Variants in DGLUCY observed in about 807,000 individuals in gnomAD.
DGLUCY encodes D-glutamate cyclase.
In DGLUCY, 58 loss-of-function variants were observed where a neutral mutation model predicts 58.5. The observed-to-expected ratio is 0.99, with a 90% confidence interval of 0.80 to 1.23. DGLUCY has a LOEUF of 1.23. Ranked by LOEUF, DGLUCY falls within the 50% of genes most tolerant of loss-of-function variation. The pLI is 0.00. For synonymous variants in DGLUCY, 325 were observed against 314.1 expected (o/e 1.03, Z -0.37); for missense variants, 779 against 784.7 (o/e 0.99, Z 0.09).
At chr14:91,170,704 ACGTG>A (rs1247796555) in intron 5 of DGLUCY, among the ~76,000 whole-genome samples, 3 of 152,032 alleles carry the variant, frequency 2.0e-5, no homozygotes, top group African/African-American at 7.3e-5. Context: ...CGTCTCTGGG[ACGTG>A]CCTGCTGTGC....
intron 1 of DGLUCY, among the ~76,000 whole-genome samples, chr14:91,132,808 C>T: frequency 6.6e-6 from 1 of 151,958 alleles, no homozygotes; most frequent in East Asian, 1.9e-4. Flanking sequence ...AACTGCAACT[C>T]CTCAGTCATC....
At chr14:91,120,053 A>G (rs1446158845) in intron 1 of DGLUCY, among the ~76,000 whole-genome samples, 2 of 152,154 alleles carry the variant, frequency 1.3e-5, no homozygotes, top group African/African-American at 4.8e-5. Flanking sequence ...CTCGGCTTGC[A>G]GACAGCCTAT....
At chr14:91,076,864 G>A (rs905224859) in intron 1 of DGLUCY, among the ~76,000 whole-genome samples, 2 of 152,106 alleles carry the variant, frequency 1.3e-5, no homozygotes, top group Non-Finnish European at 2.9e-5. Context: ...CCTGTGTTCC[G>A]GGTCACAGTG....
At chr14:91,075,182 A>G (rs1371357623) in intron 1 of DGLUCY, among the ~76,000 whole-genome samples, 1 of 151,088 alleles carries the variant, frequency 6.6e-6, no homozygotes, top group Non-Finnish European at 1.5e-5. Context: ...GGTTCATTTT[A>G]CCCTAGTTTC....
At chr14:91,105,806 C>T (rs931356360), upstream of DGLUCY, among the ~76,000 whole-genome samples, 5 of 152,310 alleles carry the variant, frequency 3.3e-5, no homozygotes, top group South Asian at 1.0e-3. Flanking sequence ...ATTGTGTAAA[C>T]GTCATAGACT....
chr14:91,215,620 G>A (rs1379875633), intron 13 of DGLUCY, 64 bp downstream of exon 13: 1 of 1,607,084 alleles, frequency 6.2e-7, no homozygotes, highest in African/African-American at 1.3e-5. Flanking sequence ...CAGCAGGCCT[G>A]AGGTCCCAAG....
intron 1 of DGLUCY, among the ~76,000 whole-genome samples, chr14:91,093,795 AAAAC>A (rs55667197): frequency 0.047 from 7,083 of 150,916 alleles, 508 homozygotes; most frequent in African/African-American, 0.15. Context: ...ACAGAGCAAC[AAAAC>A]AAACAAACAA....
intron 8 of DGLUCY, among the ~76,000 whole-genome samples, chr14:91,186,792 C>A (rs1345228647): frequency 6.6e-6 from 1 of 152,166 alleles, no homozygotes; most frequent in African/African-American, 2.4e-5. Context: ...CTCCTCCCAG[C>A]ACACTATGTG....
chr14:91,209,802 CT>C (rs1885385954), intron 12 of DGLUCY, among the ~76,000 whole-genome samples: 1 of 152,086 alleles, frequency 6.6e-6, no homozygotes. Flanking sequence ...TGTAAAGACA[CT>C]ATATGTGTCT....
intron 1 of DGLUCY, among the ~76,000 whole-genome samples, chr14:91,115,687 GGC>G (rs1358066574): frequency 6.6e-6 from 1 of 152,212 alleles, no homozygotes; most frequent in African/African-American, 2.4e-5. Flanking sequence ...TGGGATTATA[GGC>G]GTGAGCCACC....
chr14:91,120,358 A>C (rs756430624), intron 1 of DGLUCY, among the ~76,000 whole-genome samples: 3 of 152,158 alleles, frequency 2.0e-5, no homozygotes, highest in Non-Finnish European at 4.4e-5. Context: ...CATGAATGGC[A>C]CAGTTAGCTA....
intron 1 of DGLUCY, among the ~76,000 whole-genome samples, chr14:91,102,748 T>C (rs2044512176): frequency 7.7e-6 from 1 of 130,190 alleles, no homozygotes; most frequent in African/African-American, 3.1e-5. Context: ...TGTGTATGTG[T>C]GTGTGTGTGT....
rs2050037169 is a variant in DGLUCY at position 91,193,686 on chromosome 14, A to G, written c.1196-2689A>G. Among the ~76,000 whole-genome samples, 4 of 152,052 alleles carry G rather than the reference A, an allele frequency of 2.6e-5. No individual in the cohort carries two copies. In the South Asian group the frequency reaches 6.2e-4, roughly 24 times the overall value. On this transcript the variant is annotated intron_variant, in intron 9 of 13. Coordinates refer to ENST00000256324, the MANE Select transcript of DGLUCY (RefSeq NM_001102368.3). ...TGAAACCCCGTCTCTACCAAAAAATACAAAAATTAGCTGCGTGTGGTGGCA... is the reference window on the plus strand; with the variant it reads ...TGAAACCCCGTCTCTACCAAAAAATGCAAAAATTAGCTGCGTGTGGTGGCA...
At position 91,224,903 on chromosome 14, in the gene DGLUCY, T is replaced by C. The variant is rs1245114699; in HGVS notation, c.*70T>C. On this transcript the variant is annotated 3_prime_UTR_variant, in exon 14 of 14. Transcript: ENST00000256324. ...CTGCATCCGGGGAGAATGCAGCTGC[T>C]TCTGGCGACAATCCTGCTAGTAAAC... is the stretch of plus-strand genomic sequence containing the variant. 7 of 1,455,278 alleles carry C rather than the reference T, an allele frequency of 4.8e-6. No individual in the cohort carries two copies. Among genetic ancestry groups the C allele is most frequent in the Non-Finnish European group, 5.5e-6 (6 of 1,085,620 alleles). 90.1% of individuals were successfully genotyped at this position (1,455,278 alleles called of 1,614,324 possible). A position where few individuals can be genotyped will look rare whatever the true frequency, so the allele number is the denominator to read the frequency against.
chr14:91,084,111 G>A (rs1053754808), intron 1 of DGLUCY, among the ~76,000 whole-genome samples: 2 of 152,042 alleles, frequency 1.3e-5, no homozygotes, highest in Non-Finnish European at 1.5e-5. Context: ...GAATGAATGA[G>A]GGGTGCTGCC....
intron 1 of DGLUCY, among the ~76,000 whole-genome samples, chr14:91,070,485 C>T (rs958625502): frequency 9.9e-5 from 15 of 152,182 alleles, no homozygotes; most frequent in African/African-American, 3.6e-4. Context: ...AAATAATTCT[C>T]CATCACATCA....
At chr14:91,187,708 A>T (rs918092232) in intron 8 of DGLUCY, among the ~76,000 whole-genome samples, 1 of 152,174 alleles carries the variant, frequency 6.6e-6, no homozygotes, top group Admixed American at 6.5e-5. Context: ...GGTAGTGCAG[A>T]GGACTCAACG....
intron 1 of DGLUCY, among the ~76,000 whole-genome samples, chr14:91,154,916 C>T (rs747829301): frequency 7.9e-5 from 12 of 152,188 alleles, no homozygotes; most frequent in Non-Finnish European, 1.3e-4. Flanking sequence ...ACCCAGCTCC[C>T]GCCACCTCCT....
At chr14:91,069,337 G>A (rs1317355961) in intron 1 of DGLUCY, among the ~76,000 whole-genome samples, 5 of 152,116 alleles carry the variant, frequency 3.3e-5, no homozygotes, top group African/African-American at 9.7e-5. Flanking sequence ...GTGCAGTGGC[G>A]TGATCTCAGC....
Sources: allele counts gnomAD v4.1 joint callset (sites outside exome capture counted in the v4.1 genomes callset), GRCh38; gene constraint gnomAD v4.1.1; transcripts MANE v1.5; gene names NCBI Gene and HGNC (gene_info 2026-07-23, HGNC 2026-07-21).